FGF13: variants seen among roughly 807,000 people sequenced by gnomAD.
The protein encoded by FGF13 is fibroblast growth factor homologous factor 2.
Under a neutral mutation model 19.5 loss-of-function variants are expected in FGF13, and 2 were observed. The ratio of observed to expected loss-of-function variants is 0.10; its 90% CI spans 0.04 to 0.32. The LOEUF (loss-of-function observed/expected upper bound fraction) is 0.32. Ranked by LOEUF, FGF13 falls within the 10% of genes least tolerant of loss-of-function variation. FGF13 has a pLI of 1.00. For synonymous variants in FGF13, 72 were observed against 76.9 expected (o/e 0.94, Z 0.33); for missense variants, 113 against 192.7 (o/e 0.59, Z 2.45).
rs762086853 is a variant in FGF13, at chrX:138,910,704, G to A, written c.-112-46054C>T. Among the ~76,000 whole-genome samples, 9 of 111,925 alleles carry A rather than the reference G, an allele frequency of 8.0e-5. No individual in the cohort carries two copies. The East Asian group carries it at 2.3e-3, about 28-fold the overall frequency. On this transcript the variant is annotated intron_variant, in intron 1 of 2. Transcript: ENST00000421460. ...ATCTACCATCCCTCCTTGAAACATG[G>A]TCTCTACACACAGGACCCAGGTAAT...
intron 1 of FGF13, among the ~76,000 whole-genome samples, chrX:139,167,862 G>C (rs2084098962): frequency 8.9e-6 from 1 of 112,216 alleles, no homozygotes; most frequent in Non-Finnish European, 1.9e-5. Flanking sequence ...AAACAGTAAA[G>C]TATAAGTGCT....
chrX:139,017,352 T>TATAC (rs1556336371), intron 1 of FGF13, among the ~76,000 whole-genome samples: 134 of 107,403 alleles, frequency 1.2e-3, no homozygotes, highest in East Asian at 2.4e-3. Flanking sequence ...TATATATATA[T>TATAC]ACACACACAC....
chrX:138,999,925 C>A (rs1056824890), intron 1 of FGF13, among the ~76,000 whole-genome samples: 3 of 111,762 alleles, frequency 2.7e-5, no homozygotes, highest in African/African-American at 9.8e-5. Context: ...AACATCGATG[C>A]AAAATTCTCA....
Position 138,711,657 on chromosome X carries a change from G to T in FGF13, c.-654C>A, listed in dbSNP as rs1357798880. 1 of 754,452 alleles carries T rather than the reference G, an allele frequency of 1.3e-6. No homozygotes were observed. Among genetic ancestry groups the T allele is most frequent in the East Asian group, 1.5e-4 (1 of 6,591 alleles). 62.2% of individuals were successfully genotyped at this position (754,452 alleles called of 1,213,427 possible). On this transcript the variant is annotated 5_prime_UTR_variant, in exon 1 of 5. Coordinates refer to ENST00000315930, the MANE Select transcript of FGF13 (RefSeq NM_004114.5). ...ATCTTCGCTGTTGCTGCTGCTCTGG[G>T]CGCGGCACAGTCGCAGCACAGGAAT... is the stretch of plus-strand genomic sequence containing the variant.
intron 1 of FGF13, among the ~76,000 whole-genome samples, chrX:139,153,889 G>A (rs2083955977): frequency 9.0e-6 from 1 of 110,963 alleles, no homozygotes; most frequent in Non-Finnish European, 1.9e-5. Flanking sequence ...CAGAGGCAGA[G>A]ACTGGAATGT....
At chrX:139,097,051 T>C (rs954534113) in intron 1 of FGF13, among the ~76,000 whole-genome samples, 1 of 111,841 alleles carries the variant, frequency 8.9e-6, no homozygotes, top group Non-Finnish European at 1.9e-5. Flanking sequence ...CTAGCATAAC[T>C]TGTGATCATA....
intron 1 of FGF13, among the ~76,000 whole-genome samples, chrX:139,188,568 G>A (rs1181908597): frequency 1.8e-5 from 2 of 111,536 alleles, no homozygotes; most frequent in African/African-American, 6.5e-5. Context: ...TGGCAGGGAG[G>A]AGACAGAATT....
intron 4 of FGF13, among the ~76,000 whole-genome samples, chrX:138,633,503 T>C (rs775326870): frequency 6.2e-4 from 70 of 112,163 alleles, no homozygotes; most frequent in Middle Eastern, 4.6e-3. Context: ...ATATGATCTA[T>C]AGCATACTGT....
chrX:138,925,738 A>T (rs1232586070), intron 1 of FGF13, among the ~76,000 whole-genome samples: 1 of 111,704 alleles, frequency 9.0e-6, no homozygotes, highest in Non-Finnish European at 1.9e-5. Flanking sequence ...CTTCAGCATC[A>T]CTTCCCCAAA....
intron 1 of FGF13, among the ~76,000 whole-genome samples, chrX:139,162,327 G>A (rs1169599933): frequency 8.9e-6 from 1 of 112,169 alleles, no homozygotes; most frequent in Admixed American, 9.5e-5. Context: ...AATGGTGTTG[G>A]GAAAACTGGC....
chrX:138,632,853 C>T lies in FGF13; in HGVS notation c.735G>A (p.Thr245=), dbSNP rs767373569. 2 of 1,205,699 alleles carry T rather than the reference C, an allele frequency of 1.7e-6. No individual in the cohort carries two copies. The highest frequency in any genetic ancestry group is 3.5e-5 in the African/African-American group (2 of 56,829). Residue 245 remains threonine, a synonymous_variant, in exon 5 of 5, where the codon ACG becomes ACA. Transcript: ENST00000315930. ...GCCCTTCTTTTGCCCTCACTGGCTA[C>T]GTTGATTCATTGTGGCTCATGGATT... is the stretch of plus-strand genomic sequence containing the variant. ...GGKSMSHNES[T] is the part of the protein sequence containing the mutation.
At chrX:139,101,592 G>A (rs2083514399) in intron 1 of FGF13, among the ~76,000 whole-genome samples, 1 of 112,117 alleles carries the variant, frequency 8.9e-6, no homozygotes, top group Admixed American at 9.5e-5. Context: ...ATTTGAGGAA[G>A]TATAAAATCT....
intron 1 of FGF13, among the ~76,000 whole-genome samples, chrX:139,191,778 T>C (rs941504915): frequency 9.0e-6 from 1 of 111,498 alleles, no homozygotes; most frequent in Admixed American, 9.5e-5. Flanking sequence ...CCACCCTGTG[T>C]CACCCTGCTC....
rs2089010185 is a variant in FGF13 at position 138,620,874 on chromosome X, T to C, written c.*11976A>G. On this transcript the variant is annotated 3_prime_UTR_variant, in exon 5 of 5. Coordinates refer to ENST00000315930, the MANE Select transcript of FGF13 (RefSeq NM_004114.5). Reference sequence around the variant, plus strand: ...AAAACAGACTTAAAGTCACAAACTGTAACAAGAGACAAAGAATGCCATTAT... The same window carrying C: ...AAAACAGACTTAAAGTCACAAACTGCAACAAGAGACAAAGAATGCCATTAT... 1 of 111,576 alleles carries C rather than the reference T, an allele frequency of 9.0e-6. No individual in the cohort carries two copies. The highest frequency in any genetic ancestry group is 9.5e-5 in the Admixed American group (1 of 10,484). 9.2% of individuals were successfully genotyped at this position (111,576 alleles called of 1,213,427 possible).
At chrX:138,769,850 G>A (rs2090532315) in intron 3 of FGF13, among the ~76,000 whole-genome samples, 1 of 112,167 alleles carries the variant, frequency 8.9e-6, no homozygotes, top group Non-Finnish European at 1.9e-5. Context: ...CCAAGAAGAC[G>A]ATAGAGAAAA....
chrX:138,898,375 C>A (rs1446749009), intron 1 of FGF13, among the ~76,000 whole-genome samples: 1 of 111,844 alleles, frequency 8.9e-6, no homozygotes, highest in Admixed American at 9.5e-5. Flanking sequence ...GGGGGCCAGG[C>A]CAGGCAATTT....
At chrX:139,017,124 C>T (rs753007220) in intron 1 of FGF13, among the ~76,000 whole-genome samples, 8 of 106,684 alleles carry the variant, frequency 7.5e-5, no homozygotes, top group South Asian at 8.4e-4. Flanking sequence ...AATGCATATA[C>T]GCATACATAT....
chrX:138,934,078 C>T (rs1042067455), intron 1 of FGF13, among the ~76,000 whole-genome samples: 7 of 112,073 alleles, frequency 6.2e-5, no homozygotes, highest in East Asian at 5.6e-4. Flanking sequence ...CTTAGAATTT[C>T]GGTGTAACCT....
chrX:138,988,314 C>T (rs182761182), intron 1 of FGF13, among the ~76,000 whole-genome samples: 9 of 112,052 alleles, frequency 8.0e-5, no homozygotes, highest in Admixed American at 4.7e-4. Context: ...TCAGAAAATC[C>T]GATTTCTAAT....
Sources: gnomAD v4.1 joint callset for allele counts (sites outside exome capture counted in the v4.1 genomes callset) on GRCh38, gnomAD v4.1.1 for gene constraint, MANE v1.5 for transcripts, NCBI Gene and HGNC (gene_info 2026-07-23, HGNC 2026-07-21) for gene names.